TMEM272: variants seen among roughly 807,000 people sequenced by gnomAD.
TMEM272 encodes transmembrane protein 272.
TMEM272 carries 8 observed loss-of-function variants against 3.7 expected under a neutral mutation model. That is an observed-to-expected ratio of 2.17 (90% CI 1.27 to 3.91). The LOEUF (loss-of-function observed/expected upper bound fraction) is 3.91. TMEM272 is among the 30% of genes most tolerant of loss of function. The pLI is 0.00. For missense variants in TMEM272, 166 were observed against 91.5 expected (o/e 1.81, Z -3.32); for synonymous variants, 63 against 39.8 (o/e 1.58, Z -2.20).
Position 51,815,809 on chromosome 13 carries a change from C to T in TMEM272, c.*942G>A, listed in dbSNP as rs149195981. Reference sequence around the variant, plus strand: ...ACTGTTCGGTGTCATCCTGGACTTCCAGACATCTCAATTTACAAAAGGCTT... The same window carrying T: ...ACTGTTCGGTGTCATCCTGGACTTCTAGACATCTCAATTTACAAAAGGCTT... On this transcript the variant is annotated 3_prime_UTR_variant, in exon 5 of 5. Transcript: ENST00000629372. 1.3e-3 allele frequency: 200 copies of T among 152,352 alleles called. No homozygotes were observed. The highest frequency in any genetic ancestry group is 4.6e-3 in the African/African-American group (192 of 41,570). The allele number at this position is 152,352 out of a possible 1,614,324, so 9.4% of individuals were successfully genotyped here. A position where few individuals can be genotyped will look rare whatever the true frequency, so the allele number is the denominator to read the frequency against.
the TMEM272 span, chr13:51,861,855 G>C: frequency 2.0e-5 from 3 of 152,442 alleles, no homozygotes; most frequent in Admixed American, 1.3e-4. Flanking sequence ...AGCAAGAGAA[G>C]TGATTCATCC....
Position 51,838,527 on chromosome 13 carries a change from G to A in TMEM272, c.4C>T (p.Pro2Ser). The A allele has an allele frequency of 2.8e-6, 2 of 703,064 alleles. No homozygotes were observed. Among genetic ancestry groups the A allele is most frequent in the East Asian group, 2.7e-5 (1 of 37,298 alleles). 43.6% of individuals were successfully genotyped at this position (703,064 alleles called of 1,614,324 possible). A position where few individuals can be genotyped will look rare whatever the true frequency, so the allele number is the denominator to read the frequency against. The change falls in exon 2 of 5, where the codon CCA becomes TCA. Residue 2 changes from proline to serine, a missense_variant. Physicochemically the swap from Pro to Ser is moderately conservative, Grantham distance 74. Coordinates refer to ENST00000629372, the MANE Select transcript of TMEM272 (RefSeq NM_001351003.2). M[P>S]GGLEKTCHQC... The stretch of plus-strand genomic sequence containing the variant: ...TGACACGTTTTCTCCAGACCTCCTG[G>A]CATTGTTCTTGCTCGCTGACAAAGT...
At chr13:51,848,842 G>A (rs931623158), upstream of TMEM272, among the ~76,000 whole-genome samples, 11 of 152,082 alleles carry the variant, frequency 7.2e-5, no homozygotes, top group Admixed American at 2.0e-4. Context: ...CTTTGTCTTC[G>A]TCTTTGCTTG....
At chr13:51,906,535 G>A in the TMEM272 span, among the ~76,000 whole-genome samples, 1 of 152,186 alleles carries the variant, frequency 6.6e-6, no homozygotes, top group Non-Finnish European at 1.5e-5. Context: ...GTTGTTATTG[G>A]CCTAATTGCA....
chr13:51,899,522 A>G, the TMEM272 span, among the ~76,000 whole-genome samples: 1 of 129,846 alleles, frequency 7.7e-6, no homozygotes, highest in Non-Finnish European at 1.7e-5. Flanking sequence ...AAGTGGAAAG[A>G]CATGCCATGT....
chr13:51,822,417 G>T (rs530375813), intron 3 of TMEM272, among the ~76,000 whole-genome samples: 1 of 152,232 alleles, frequency 6.6e-6, no homozygotes, highest in African/African-American at 2.4e-5. Flanking sequence ...ACTGGCTATG[G>T]GTTGCACTCT....
At chr13:51,910,123 CCATCACCT>C in the TMEM272 span, 1 of 1,019,578 alleles carries the variant, frequency 9.8e-7, no homozygotes, top group Admixed American at 1.7e-5. Flanking sequence ...GAAATATCTG[CCATCACCT>C]CATCTTGTTC....
upstream of TMEM272, among the ~76,000 whole-genome samples, chr13:51,849,959 T>C (rs994443381): frequency 1.3e-5 from 2 of 152,186 alleles, no homozygotes; most frequent in African/African-American, 4.8e-5. Flanking sequence ...CTCATGCCCG[T>C]GACCGAGCAC....
chr13:51,865,449 C>T, the TMEM272 span: 1 of 1,614,012 alleles, frequency 6.2e-7, no homozygotes, highest in Non-Finnish European at 8.5e-7. Flanking sequence ...ATGGGGCTTG[C>T]CTGCTTCCGG....
chr13:51,892,005 C>T, the TMEM272 span, among the ~76,000 whole-genome samples: 1 of 152,188 alleles, frequency 6.6e-6, no homozygotes. Flanking sequence ...GCTATGCGAG[C>T]TCACATTTAG....
chr13:51,827,754 G>T (rs1053003340), intron 2 of TMEM272, among the ~76,000 whole-genome samples: 1 of 152,086 alleles, frequency 6.6e-6, no homozygotes, highest in Non-Finnish European at 1.5e-5. Flanking sequence ...CCATTCTGCT[G>T]TGCCGTTTAT....
chr13:51,885,629 T>G, the TMEM272 span, among the ~76,000 whole-genome samples: 3 of 152,220 alleles, frequency 2.0e-5, no homozygotes, highest in Admixed American at 6.5e-5. Flanking sequence ...TGGGCATGTA[T>G]AAAATTTGCA....
At chr13:51,857,324 A>AT in the TMEM272 span, among the ~76,000 whole-genome samples, 1 of 152,102 alleles carries the variant, frequency 6.6e-6, no homozygotes, top group Non-Finnish European at 1.5e-5. Flanking sequence ...AAAGAATATG[A>AT]TTTTTTGAGT....
At chr13:51,857,479 T>C in the TMEM272 span, among the ~76,000 whole-genome samples, 145 of 152,192 alleles carry the variant, frequency 9.5e-4, no homozygotes, top group African/African-American at 3.4e-3. Flanking sequence ...TTAAAATTTA[T>C]GACAACAAAA....
chr13:51,929,772 C>A, the TMEM272 span, among the ~76,000 whole-genome samples: 2 of 152,254 alleles, frequency 1.3e-5, no homozygotes, highest in Non-Finnish European at 2.9e-5. Context: ...TTCATCCCGT[C>A]TGTGGAAATG....
At chr13:51,917,567 C>A in the TMEM272 span, among the ~76,000 whole-genome samples, 4 of 152,294 alleles carry the variant, frequency 2.6e-5, no homozygotes, top group South Asian at 6.2e-4. Flanking sequence ...GAAACCCACA[C>A]GCTACTGAGG....
chr13:51,831,422 TAAATA>T (rs1181521946), intron 2 of TMEM272, among the ~76,000 whole-genome samples: 3 of 152,116 alleles, frequency 2.0e-5, no homozygotes. Flanking sequence ...AGACCTCATC[TAAATA>T]AAATAAAATA....
At chr13:51,823,428 G>A (rs1268218513) in intron 3 of TMEM272, among the ~76,000 whole-genome samples, 1 of 152,228 alleles carries the variant, frequency 6.6e-6, no homozygotes, top group African/African-American at 2.4e-5. Context: ...TGCTTCCTCT[G>A]CTTTGACCAC....
chr13:51,919,179 A>G, the TMEM272 span, among the ~76,000 whole-genome samples: 1 of 152,228 alleles, frequency 6.6e-6, no homozygotes, highest in African/African-American at 2.4e-5. Flanking sequence ...CCTGCTGTGA[A>G]GGTGAGCCAA....
Sources: allele counts gnomAD v4.1 joint callset (sites outside exome capture counted in the v4.1 genomes callset), GRCh38; gene constraint gnomAD v4.1.1; transcripts MANE v1.5; gene names NCBI Gene and HGNC (gene_info 2026-07-23, HGNC 2026-07-21).